Variants in ADK observed in about 807,000 individuals in gnomAD.
ADK encodes adenosine kinase.
Under a neutral mutation model 44.7 loss-of-function variants are expected in ADK, and 24 were observed. The observed-to-expected ratio is 0.54, with a 90% CI of 0.39 to 0.76. The LOEUF (loss-of-function observed/expected upper bound fraction) is 0.76. Among genes scored for constraint, ADK ranks in the 30% least tolerant of loss-of-function variants. ADK has a pLI of 0.00. For synonymous variants in ADK, 128 were observed against 142.6 expected, an observed-to-expected ratio of 0.90 and a Z score of 0.73; for missense variants, 321 against 425.1, an observed-to-expected ratio of 0.76 and a Z score of 2.15.
intron 8 of ADK, among the ~76,000 whole-genome samples, chr10:74,596,132 A>G (rs541028809): frequency 1.3e-5 from 2 of 152,208 alleles, no homozygotes; most frequent in East Asian, 3.9e-4. Flanking sequence ...TTTAGGATGA[A>G]CATGCTATAG....
At chr10:74,627,025 G>A (rs1314250622) in intron 9 of ADK, among the ~76,000 whole-genome samples, 1 of 152,052 alleles carries the variant, frequency 6.6e-6, no homozygotes, top group Non-Finnish European at 1.5e-5. Flanking sequence ...TTACTATGAA[G>A]GATCTACATT....
intron 3 of ADK, among the ~76,000 whole-genome samples, chr10:74,226,639 A>G (rs1431139471): frequency 1.3e-5 from 2 of 151,952 alleles, no homozygotes; most frequent in Non-Finnish European, 2.9e-5. Flanking sequence ...TTTATATTTC[A>G]AAGTTTTTTT....
chr10:74,303,585 G>GTTTTGTTTTTTTTTTTTTT lies in ADK; in HGVS notation c.195-11080_195-11079insTTGTTTTTTTTTTTTTTTT, dbSNP rs1282565148. Among the ~76,000 whole-genome samples, 7 of 64,676 alleles carry GTTTTGTTTTTTTTTTTTTT rather than the reference G, an allele frequency of 1.1e-4. No homozygotes were observed. In the East Asian group the frequency reaches 3.4e-3, roughly 32 times the overall value. 42.4% of individuals were successfully genotyped at this position (64,676 alleles called of 152,430 possible). ...AAACACTTTTCATATTGGTTTTAAT[G>GTTTTGTTTTTTTTTTTTTT]TTGTTTTTTTTTTTTTTTTTTTTTT... On this transcript the variant is annotated intron_variant, in intron 3 of 10. Transcript: ENST00000539909.
At chr10:74,267,461 T>A (rs1846250824) in intron 3 of ADK, among the ~76,000 whole-genome samples, 2 of 152,180 alleles carry the variant, frequency 1.3e-5, no homozygotes, top group African/African-American at 4.8e-5. Flanking sequence ...TGATTCCTGT[T>A]ACATTTTTTT....
At chr10:74,260,894 T>G (rs1375385097) in intron 3 of ADK, among the ~76,000 whole-genome samples, 4 of 152,206 alleles carry the variant, frequency 2.6e-5, no homozygotes, top group Non-Finnish European at 5.9e-5. Flanking sequence ...CCCTGGGTTC[T>G]CCAGAAGCGG....
At chr10:74,279,802 G>A (rs73286221) in intron 3 of ADK, among the ~76,000 whole-genome samples, 29,398 of 151,850 alleles carry the variant, frequency 0.19, 3,115 homozygotes, top group African/African-American at 0.28. Flanking sequence ...GGAGGCTGAG[G>A]CAGAGGATTG....
At chr10:74,281,429 A>G (rs1846931010) in intron 3 of ADK, among the ~76,000 whole-genome samples, 1 of 152,266 alleles carries the variant, frequency 6.6e-6, no homozygotes, top group South Asian at 2.1e-4. Flanking sequence ...AGGGGAAGGC[A>G]GTCTCTCTTA....
chr10:74,244,509 G>T (rs1845341894), intron 3 of ADK, among the ~76,000 whole-genome samples: 1 of 152,026 alleles, frequency 6.6e-6, no homozygotes, highest in Non-Finnish European at 1.5e-5. Context: ...CTTTTATTTA[G>T]TCTAAATGTT....
chr10:74,381,604 G>A (rs1003178155), intron 4 of ADK, among the ~76,000 whole-genome samples: 7 of 152,212 alleles, frequency 4.6e-5, no homozygotes, highest in African/African-American at 1.2e-4. Context: ...TCAGCCATAT[G>A]TGCCACCCTT....
chr10:74,582,314 AAAAAAAT>A (rs1487392886), intron 7 of ADK, among the ~76,000 whole-genome samples: 1 of 152,076 alleles, frequency 6.6e-6, no homozygotes, highest in East Asian at 1.9e-4. Context: ...CAATCTCAAA[AAAAAAAT>A]AAAAAATAAA....
intron 4 of ADK, among the ~76,000 whole-genome samples, chr10:74,355,708 A>G (rs537513092): frequency 3.3e-5 from 5 of 152,138 alleles, no homozygotes; most frequent in African/African-American, 4.8e-5. Flanking sequence ...ATTTATTTCT[A>G]TTATCTTGTT....
chr10:74,582,593 A>C (rs755855572), intron 7 of ADK, among the ~76,000 whole-genome samples: 7 of 152,212 alleles, frequency 4.6e-5, no homozygotes, highest in African/African-American at 1.2e-4. Flanking sequence ...TTTGTGAAAC[A>C]GTTAAGTTTC....
chr10:74,519,939 A>G (rs1848737891), intron 6 of ADK, among the ~76,000 whole-genome samples: 1 of 151,846 alleles, frequency 6.6e-6, no homozygotes, highest in African/African-American at 2.4e-5. Flanking sequence ...TTTAGATAAT[A>G]CTTCCTCTGT....
intron 1 of ADK, among the ~76,000 whole-genome samples, chr10:74,154,955 A>T (rs1272950111): frequency 1.3e-5 from 2 of 152,200 alleles, no homozygotes; most frequent in African/African-American, 4.8e-5. Context: ...TCTGAAGTTG[A>T]TGTTAGGAAA....
intron 9 of ADK, among the ~76,000 whole-genome samples, chr10:74,663,824 G>C (rs1389247812): frequency 6.6e-6 from 1 of 152,146 alleles, no homozygotes; most frequent in Non-Finnish European, 1.5e-5. Context: ...ATTATTAGCA[G>C]AGTTCATCAT....
At chr10:74,189,808 T>G (rs1392155209) in intron 1 of ADK, among the ~76,000 whole-genome samples, 1 of 152,224 alleles carries the variant, frequency 6.6e-6, no homozygotes, top group African/African-American at 2.4e-5. Context: ...CCCTACAAAT[T>G]TGCCTATTCT....
chr10:74,316,358 G>T (rs1393825604), intron 4 of ADK, among the ~76,000 whole-genome samples: 2 of 152,140 alleles, frequency 1.3e-5, no homozygotes, highest in Non-Finnish European at 2.9e-5. Flanking sequence ...GATATGGTTA[G>T]GCTTTGTGTC....
intron 7 of ADK, among the ~76,000 whole-genome samples, chr10:74,549,291 T>C (rs1286335858): frequency 1.3e-5 from 2 of 152,184 alleles, no homozygotes; most frequent in African/African-American, 4.8e-5. Context: ...TAGGGATAGA[T>C]CCAATCTTTT....
At chr10:74,228,335 A>G (rs1312547621) in intron 3 of ADK, among the ~76,000 whole-genome samples, 2 of 152,226 alleles carry the variant, frequency 1.3e-5, no homozygotes, top group African/African-American at 4.8e-5. Flanking sequence ...AAAGCTGAGC[A>G]ATTCAAGTTG....
Sources: allele counts gnomAD v4.1 joint callset (sites outside exome capture counted in the v4.1 genomes callset), GRCh38; gene constraint gnomAD v4.1.1; transcripts MANE v1.5; gene names NCBI Gene and HGNC (gene_info 2026-07-23, HGNC 2026-07-21).